The following SLC35D4 variants were observed in gnomAD, a reference collection of about 807,000 sequenced individuals.
SLC35D4 encodes UDP-N-acetylglucosamine transporter SLC35D4.
the SLC35D4 span, among the ~76,000 whole-genome samples, chr18:23,307,279 T>A: frequency 6.6e-6 from 1 of 152,228 alleles, no homozygotes; most frequent in Admixed American, 6.5e-5. Flanking sequence ...AATACATACA[T>A]ATATATTCCC....
the SLC35D4 span, among the ~76,000 whole-genome samples, chr18:23,289,938 C>A: frequency 6.6e-6 from 1 of 152,182 alleles, no homozygotes; most frequent in Non-Finnish European, 1.5e-5. Context: ...CCCTATCTCC[C>A]TTTGCTGACT....
chr18:23,388,687 G>A, the SLC35D4 span, among the ~76,000 whole-genome samples: 1 of 152,168 alleles, frequency 6.6e-6, no homozygotes, highest in Non-Finnish European at 1.5e-5. Flanking sequence ...ATCTTATGTC[G>A]AATTGTAATT....
the SLC35D4 span, among the ~76,000 whole-genome samples, chr18:23,426,782 A>G: frequency 6.6e-6 from 1 of 152,262 alleles, no homozygotes; most frequent in Non-Finnish European, 1.5e-5. Context: ...ACAAGGCTAC[A>G]GTAACCAAAA....
chr18:23,272,704 A>C, the SLC35D4 span, among the ~76,000 whole-genome samples: 1 of 152,188 alleles, frequency 6.6e-6, no homozygotes, highest in Non-Finnish European at 1.5e-5. Flanking sequence ...GACTGCCTAC[A>C]CGAACCTGAC....
At chr18:23,365,643 G>T in the SLC35D4 span, 2 of 1,613,752 alleles carry the variant, frequency 1.2e-6, no homozygotes, top group East Asian at 2.2e-5. Context: ...CCTGTGGGAT[G>T]AGATGCAAAT....
At chr18:23,265,576 A>G in the SLC35D4 span, among the ~76,000 whole-genome samples, 1 of 149,232 alleles carries the variant, frequency 6.7e-6, no homozygotes, top group Non-Finnish European at 1.5e-5. Context: ...AAAAAAAACC[A>G]GAAAGGAAAA....
At chr18:23,253,100 C>T in the SLC35D4 span, 6 of 1,174,142 alleles carry the variant, frequency 5.1e-6, no homozygotes, top group African/African-American at 1.5e-5. Flanking sequence ...TGACCTTTCC[C>T]TGCAAACCCC....
chr18:23,333,357 C>A, the SLC35D4 span, among the ~76,000 whole-genome samples: 3 of 152,168 alleles, frequency 2.0e-5, no homozygotes, highest in Non-Finnish European at 2.9e-5. Context: ...TAAAATAAGG[C>A]ACTCTCTCAG....
At chr18:23,395,591 G>A in the SLC35D4 span, among the ~76,000 whole-genome samples, 1 of 152,228 alleles carries the variant, frequency 6.6e-6, no homozygotes, top group Non-Finnish European at 1.5e-5. Flanking sequence ...AGCATGGCTT[G>A]AGCCAAATTG....
chr18:23,295,258 A>T, the SLC35D4 span, among the ~76,000 whole-genome samples: 2 of 151,958 alleles, frequency 1.3e-5, no homozygotes, highest in Admixed American at 6.6e-5. Context: ...TAGCCAATGC[A>T]TGCTGGGCTT....
At chr18:23,294,721 T>C in the SLC35D4 span, among the ~76,000 whole-genome samples, 1 of 152,084 alleles carries the variant, frequency 6.6e-6, no homozygotes, top group African/African-American at 2.4e-5. Flanking sequence ...ACTGCACCAC[T>C]GCACTCGAGC....
the SLC35D4 span, among the ~76,000 whole-genome samples, chr18:23,345,656 T>C: frequency 6.6e-6 from 1 of 152,142 alleles, no homozygotes; most frequent in African/African-American, 2.4e-5. Flanking sequence ...AACTTTATCT[T>C]TGTCAACATT....
the SLC35D4 span, among the ~76,000 whole-genome samples, chr18:23,316,011 C>A: frequency 6.6e-6 from 1 of 152,238 alleles, no homozygotes. Flanking sequence ...TGGGAGCTTG[C>A]GCGAAATGCA....
chr18:23,340,175 C>CA, the SLC35D4 span, among the ~76,000 whole-genome samples: 90 of 151,990 alleles, frequency 5.9e-4, no homozygotes, highest in African/African-American at 2.0e-3. Context: ...CTCATCTCTA[C>CA]AAAAAAATAA....
chr18:23,377,022 A>G, the SLC35D4 span: 4 of 454,192 alleles, frequency 8.8e-6, no homozygotes, highest in East Asian at 6.9e-5. Context: ...AAATCCATCT[A>G]TCAAAGCACC....
the SLC35D4 span, among the ~76,000 whole-genome samples, chr18:23,366,519 C>T: frequency 6.6e-6 from 1 of 152,224 alleles, no homozygotes; most frequent in East Asian, 1.9e-4. Context: ...AGCCCAGTGT[C>T]CTGGCTTAAA....
At chr18:23,380,022 G>A in the SLC35D4 span, among the ~76,000 whole-genome samples, 3 of 152,070 alleles carry the variant, frequency 2.0e-5, no homozygotes, top group African/African-American at 4.8e-5. Flanking sequence ...GCTTAGAACC[G>A]GGAGGCGGAG....
At chr18:23,365,702 TC>T in the SLC35D4 span, 9 of 1,608,724 alleles carry the variant, frequency 5.6e-6, no homozygotes, top group South Asian at 8.9e-5. Flanking sequence ...TCAAGAAGTT[TC>T]CCCGGCACCA....
At chr18:23,407,395 A>G in the SLC35D4 span, among the ~76,000 whole-genome samples, 1 of 152,304 alleles carries the variant, frequency 6.6e-6, no homozygotes, top group Non-Finnish European at 1.5e-5. Flanking sequence ...AGCTAAAAAC[A>G]CCATAAAGAA....
Sources: gnomAD v4.1 joint callset for allele counts (sites outside exome capture counted in the v4.1 genomes callset) on GRCh38, gnomAD v4.1.1 for gene constraint, MANE v1.5 for transcripts, NCBI Gene and HGNC (gene_info 2026-07-23, HGNC 2026-07-21) for gene names.